CNBD1: variants seen among roughly 807,000 people sequenced by gnomAD.
The protein encoded by CNBD1 is cyclic nucleotide-binding domain-containing protein 1.
In CNBD1, 71 loss-of-function variants were observed where a neutral mutation model predicts 54.4. That is an observed-to-expected ratio of 1.30 (90% CI 1.08 to 1.59). The LOEUF is 1.59. CNBD1 is among the 40% of genes most tolerant of loss of function. The pLI is 0.00. For missense variants in CNBD1, 659 were observed against 518.0 expected (o/e 1.27, Z -2.64); for synonymous variants, 182 against 170.7 (o/e 1.07, Z -0.51).
At chr8:87,263,263 A>G (rs1476812571) in intron 6 of CNBD1, among the ~76,000 whole-genome samples, 4 of 152,178 alleles carry the variant, frequency 2.6e-5, no homozygotes, top group Non-Finnish European at 5.9e-5. Flanking sequence ...TGTGAAAACC[A>G]TGCATATTTG....
chr8:87,076,624 A>G (rs1232530577), intron 4 of CNBD1, among the ~76,000 whole-genome samples: 1 of 152,004 alleles, frequency 6.6e-6, no homozygotes. Context: ...TTGTATTTTT[A>G]GTAGAGATGG....
chr8:87,102,551 A>C (rs912056964), intron 4 of CNBD1, among the ~76,000 whole-genome samples: 3 of 152,184 alleles, frequency 2.0e-5, no homozygotes, highest in African/African-American at 7.2e-5. Flanking sequence ...AATAGTTAAT[A>C]GTGTGTAAAC....
At chr8:87,360,728 T>C (rs1305380534) in intron 10 of CNBD1, among the ~76,000 whole-genome samples, 1 of 151,930 alleles carries the variant, frequency 6.6e-6, no homozygotes, top group East Asian at 1.9e-4. Flanking sequence ...AACTTATGAT[T>C]GAAAAATAAG....
At chr8:87,347,375 C>A (rs1213926297) in intron 8 of CNBD1, among the ~76,000 whole-genome samples, 1 of 152,016 alleles carries the variant, frequency 6.6e-6, no homozygotes, top group Non-Finnish European at 1.5e-5. Flanking sequence ...TTGTTGAGTG[C>A]CTATATGTAG....
intron 4 of CNBD1, among the ~76,000 whole-genome samples, chr8:87,104,295 C>T (rs547008532): frequency 6.6e-6 from 1 of 152,308 alleles, no homozygotes; most frequent in African/African-American, 2.4e-5. Flanking sequence ...GAAGCAGGGT[C>T]TTTGCATTTA....
chr8:87,329,068 G>T (rs1809755970), intron 8 of CNBD1, among the ~76,000 whole-genome samples: 1 of 150,992 alleles, frequency 6.6e-6, no homozygotes, highest in Non-Finnish European at 1.5e-5. Flanking sequence ...TTTAAATTTA[G>T]GTCTGTTATC....
At chr8:87,017,861 A>T (rs1357732266) in intron 4 of CNBD1, among the ~76,000 whole-genome samples, 1 of 152,172 alleles carries the variant, frequency 6.6e-6, no homozygotes, top group Non-Finnish European at 1.5e-5. Flanking sequence ...TTCAATAATA[A>T]TTTTTTAAAA....
In CNBD1 at chr8:87,274,899, G is replaced by C. The variant is rs1398117033; in HGVS notation, c.772-9779G>C. 4.5e-5 allele frequency among the ~76,000 whole-genome samples: 6 copies of C among 134,204 alleles called. 2 individuals carry two copies. The highest frequency in any genetic ancestry group is 1.8e-4 in the African/African-American group (6 of 32,982). The allele number at this position is 134,204 out of a possible 152,430, so 88.0% of individuals were successfully genotyped here. A position where few individuals can be genotyped will look rare whatever the true frequency, so the allele number is the denominator to read the frequency against. On this transcript the variant is annotated intron_variant, in intron 6 of 10. Transcript: ENST00000518476. ...CTAGGTTTTCTTCTAGGGTTTTTAT[G>C]GTTTTAGGTGTAACGTTTAAGTCTT...
intron 4 of CNBD1, among the ~76,000 whole-genome samples, chr8:86,975,605 C>T (rs1808324342): frequency 6.6e-6 from 1 of 151,830 alleles, no homozygotes; most frequent in African/African-American, 2.4e-5. Flanking sequence ...CGTGTATATA[C>T]CACTTAAAAA....
chr8:87,417,715 G>A (rs1807859891), intron 2 of CNBD1, among the ~76,000 whole-genome samples: 1 of 151,538 alleles, frequency 6.6e-6, no homozygotes, highest in African/African-American at 2.4e-5. Context: ...GTCTAAAAAT[G>A]AAATTAATAA....
intron 6 of CNBD1, among the ~76,000 whole-genome samples, chr8:87,274,525 T>C (rs1808436410): frequency 6.7e-6 from 1 of 149,090 alleles, no homozygotes; most frequent in South Asian, 2.1e-4. Flanking sequence ...TGGCCAGTGA[T>C]GGTGAGCATT....
At chr8:86,866,886 A>G (rs1463753459) in intron 1 of CNBD1, among the ~76,000 whole-genome samples, 1 of 152,186 alleles carries the variant, frequency 6.6e-6, no homozygotes. Flanking sequence ...GAGAGGCCAC[A>G]TGTTCCACCA....
chr8:87,284,602 A>G (rs1008483897), intron 6 of CNBD1, 76 bp from the exon 7 acceptor site: 3 of 1,312,590 alleles, frequency 2.3e-6, no homozygotes, highest in Non-Finnish European at 2.1e-6. Context: ...AGCTTGACCT[A>G]CAATCCAATC....
intron 4 of CNBD1, among the ~76,000 whole-genome samples, chr8:87,187,561 A>C (rs1343936668): frequency 6.6e-6 from 1 of 152,072 alleles, no homozygotes; most frequent in African/African-American, 2.4e-5. Flanking sequence ...GGACTGGAAA[A>C]ATTTCAAACC....
intron 8 of CNBD1, among the ~76,000 whole-genome samples, chr8:87,287,133 G>A (rs1808714252): frequency 6.6e-6 from 1 of 152,192 alleles, no homozygotes; most frequent in Admixed American, 6.6e-5. Context: ...TGGAGAATGA[G>A]TGAGGCCTAG....
intron 4 of CNBD1, among the ~76,000 whole-genome samples, chr8:87,039,689 T>C (rs1810024150): frequency 6.6e-6 from 1 of 151,932 alleles, no homozygotes; most frequent in South Asian, 2.1e-4. Flanking sequence ...GAGACCAGAG[T>C]TTTGTAATTA....
Position 87,079,248 on chromosome 8 carries a change from A to G in CNBD1, c.432-126745A>G, listed in dbSNP as rs552696776. On this transcript the variant is annotated intron_variant, in intron 4 of 10. Coordinates refer to ENST00000518476, the MANE Select transcript of CNBD1 (RefSeq NM_173538.3). ...ATGATAATACAATTTTTTTTCATTC[A>G]TTGTGCATTTGGGTTGATTTCAATT... Among the ~76,000 whole-genome samples the G allele has an allele frequency of 2.7e-3, 403 of 152,026 alleles. 1 individual carries two copies. Among genetic ancestry groups the G allele is most frequent in the African/African-American group, 9.4e-3 (391 of 41,504 alleles).
intron 2 of CNBD1, among the ~76,000 whole-genome samples, chr8:87,389,105 A>G (rs950267466): frequency 2.0e-5 from 3 of 152,136 alleles, no homozygotes; most frequent in African/African-American, 7.2e-5. Flanking sequence ...ATATCTCAAA[A>G]TTATAAGAGC....
chr8:87,181,126 C>A (rs575049955), intron 4 of CNBD1, among the ~76,000 whole-genome samples: 4 of 152,136 alleles, frequency 2.6e-5, no homozygotes, highest in Non-Finnish European at 5.9e-5. Context: ...TTTTATATTT[C>A]TATCATCATT....
Sources: allele counts gnomAD v4.1 joint callset (sites outside exome capture counted in the v4.1 genomes callset), GRCh38; gene constraint gnomAD v4.1.1; transcripts MANE v1.5; gene names NCBI Gene and HGNC (gene_info 2026-07-23, HGNC 2026-07-21).